The following NAALADL2 variants were observed in gnomAD, a reference collection of about 807,000 sequenced individuals.
NAALADL2 encodes inactive N-acetylated-alpha-linked acidic dipeptidase-like protein 2.
Under a neutral mutation model 87.2 loss-of-function variants are expected in NAALADL2, and 76 were observed. That is an observed-to-expected ratio of 0.87 (90% CI 0.72 to 1.05). The LOEUF (loss-of-function observed/expected upper bound fraction) is 1.05, where lower values mean the gene tolerates loss of function less well. NAALADL2 is among the 50% of genes least tolerant of loss of function. NAALADL2 has a pLI of 0.00. For synonymous variants in NAALADL2, 354 were observed against 331.0 expected (o/e 1.07, Z -0.75); for missense variants, 1,089 against 945.8 (o/e 1.15, Z -1.99).
At chr3:175,610,687 G>A (rs1724508476) in intron 10 of NAALADL2, among the ~76,000 whole-genome samples, 1 of 151,990 alleles carries the variant, frequency 6.6e-6, no homozygotes, top group Admixed American at 6.6e-5. Flanking sequence ...GTGTGTTTCT[G>A]ATAAAGATTC....
At chr3:174,599,449 A>G (rs746158287) in intron 2 of NAALADL2, among the ~76,000 whole-genome samples, 4 of 152,140 alleles carry the variant, frequency 2.6e-5, no homozygotes, top group Admixed American at 6.6e-5. Context: ...AGACATAAAT[A>G]TGGGAAGGGT....
At chr3:175,491,899 A>C (rs1168714532) in intron 9 of NAALADL2, among the ~76,000 whole-genome samples, 1 of 152,138 alleles carries the variant, frequency 6.6e-6, no homozygotes, top group Non-Finnish European at 1.5e-5. Context: ...TAAAATTATG[A>C]TCGGAATAAT....
intron 2 of NAALADL2, among the ~76,000 whole-genome samples, chr3:175,174,314 A>G (rs909689154): frequency 1.3e-5 from 2 of 152,146 alleles, no homozygotes; most frequent in African/African-American, 4.8e-5. Flanking sequence ...GCGGCTTTTT[A>G]TATGCCAAAA....
At chr3:174,930,573 C>T (rs1736708806) in intron 1 of NAALADL2, among the ~76,000 whole-genome samples, 1 of 146,794 alleles carries the variant, frequency 6.8e-6, no homozygotes, top group Admixed American at 7.0e-5. Context: ...ATATTATATA[C>T]CAAAATAACA....
chr3:175,075,268 A>G (rs1244344270), intron 1 of NAALADL2, among the ~76,000 whole-genome samples: 1 of 152,190 alleles, frequency 6.6e-6, no homozygotes, highest in African/African-American at 2.4e-5. Flanking sequence ...TCTAAGAAAC[A>G]GAAACTTAGA....
intron 4 of NAALADL2, among the ~76,000 whole-genome samples, chr3:175,306,598 T>G (rs1581347069): frequency 6.6e-6 from 1 of 152,006 alleles, no homozygotes; most frequent in Non-Finnish European, 1.5e-5. Context: ...GATCATGAGG[T>G]AGGCGGATCA....
intron 2 of NAALADL2, among the ~76,000 whole-genome samples, chr3:175,132,735 G>A (rs529962520): frequency 1.3e-4 from 19 of 150,008 alleles, no homozygotes; most frequent in Admixed American, 7.2e-4. Flanking sequence ...AGGGGTGGCC[G>A]GGCAGAGGCA....
At chr3:175,462,649 C>T (rs1255791445) in intron 6 of NAALADL2, among the ~76,000 whole-genome samples, 5 of 152,132 alleles carry the variant, frequency 3.3e-5, no homozygotes, top group Non-Finnish European at 7.3e-5. Context: ...CACTTCCCAA[C>T]CCAGACTTCT....
At chr3:175,383,083 T>C (rs1409810530) in intron 5 of NAALADL2, among the ~76,000 whole-genome samples, 2 of 152,062 alleles carry the variant, frequency 1.3e-5, no homozygotes, top group African/African-American at 4.8e-5. Flanking sequence ...ATTTACAGGG[T>C]ATATGTGATA....
intron 8 of NAALADL2, among the ~76,000 whole-genome samples, chr3:175,471,399 CG>C (rs975791767): frequency 3.9e-4 from 58 of 148,724 alleles, no homozygotes; most frequent in African/African-American, 1.3e-3. Context: ...GGCGTGAACC[CG>C]GGAGGTGAAA....
chr3:174,830,259 T>G (rs545015795), intron 3 of NAALADL2, among the ~76,000 whole-genome samples: 2 of 148,702 alleles, frequency 1.3e-5, no homozygotes, highest in Non-Finnish European at 3.0e-5. Context: ...GGTCTAACGT[T>G]TAAGTCTTTA....
At chr3:174,710,433 T>C (rs1299348048) in intron 2 of NAALADL2, among the ~76,000 whole-genome samples, 1 of 152,056 alleles carries the variant, frequency 6.6e-6, no homozygotes, top group African/African-American at 2.4e-5. Flanking sequence ...TTTGTATTTT[T>C]AGTAGAGACG....
At chr3:174,671,682 C>T (rs144185348) in intron 2 of NAALADL2, among the ~76,000 whole-genome samples, 2 of 152,126 alleles carry the variant, frequency 1.3e-5, no homozygotes, top group African/African-American at 2.4e-5. Flanking sequence ...ACCCCCTCAC[C>T]TTCTATTCTT....
In NAALADL2 at chr3:175,706,447, CTG is replaced by C. The variant is rs560897046; in HGVS notation, c.1897-30857_1897-30856del. The stretch of plus-strand genomic sequence containing the variant: ...TCTAACAATAATAAAGTAATAAAAA[CTG>C]TAATAAAAAGGTATGTGAACATAAT... On this transcript the variant is annotated intron_variant, in intron 11 of 13. Transcript: ENST00000454872. Among the ~76,000 whole-genome samples, 10 of 152,180 alleles carry C rather than the reference CTG, an allele frequency of 6.6e-5. No individual in the cohort carries two copies. The South Asian group carries it at 1.0e-3, about 16-fold the overall frequency.
intron 1 of NAALADL2, among the ~76,000 whole-genome samples, chr3:174,924,273 C>T (rs1735658446): frequency 7.2e-6 from 1 of 138,100 alleles, no homozygotes; most frequent in Admixed American, 8.3e-5. Context: ...CAACTGTTCT[C>T]ATTGTTCAAT....
intron 9 of NAALADL2, among the ~76,000 whole-genome samples, chr3:175,524,355 T>C (rs1239931323): frequency 6.6e-6 from 1 of 152,220 alleles, no homozygotes; most frequent in Non-Finnish European, 1.5e-5. Flanking sequence ...TATAAGATCT[T>C]TGAATAATGA....
chr3:175,210,658 A>C (rs1472098899), intron 2 of NAALADL2, among the ~76,000 whole-genome samples: 1 of 151,670 alleles, frequency 6.6e-6, no homozygotes, highest in Non-Finnish European at 1.5e-5. Flanking sequence ...GAAAATAAGA[A>C]AAAAGGGAAA....
intron 10 of NAALADL2, among the ~76,000 whole-genome samples, chr3:175,606,648 C>G (rs1422313837): frequency 1.3e-5 from 2 of 152,146 alleles, no homozygotes; most frequent in African/African-American, 4.8e-5. Flanking sequence ...TGAATCCCAG[C>G]TGTGCATTCA....
chr3:174,702,137 T>A (rs1729610926), intron 2 of NAALADL2, among the ~76,000 whole-genome samples: 1 of 152,184 alleles, frequency 6.6e-6, no homozygotes, highest in African/African-American at 2.4e-5. Flanking sequence ...TAGTGATATC[T>A]CATTGTTATT....
Sources: gnomAD v4.1 joint callset for allele counts (sites outside exome capture counted in the v4.1 genomes callset) on GRCh38, gnomAD v4.1.1 for gene constraint, MANE v1.5 for transcripts, NCBI Gene and HGNC (gene_info 2026-07-23, HGNC 2026-07-21) for gene names.